Variants in YKT6 observed in about 807,000 individuals in gnomAD.
YKT6 encodes the protein synaptobrevin homolog YKT6.
YKT6 carries 12 observed loss-of-function variants against 29.3 expected under a neutral mutation model. The observed-to-expected ratio is 0.41, with a 90% CI of 0.26 to 0.66. The LOEUF (loss-of-function observed/expected upper bound fraction) is 0.66. Ranked by LOEUF, YKT6 falls within the 30% of genes least tolerant of loss-of-function variation. The pLI, the probability that YKT6 is intolerant of heterozygous loss-of-function variation, is 0.32. For synonymous variants in YKT6, 86 were observed against 94.3 expected (o/e 0.91, Z 0.51); for missense variants, 188 against 243.8 (o/e 0.77, Z 1.52).
rs2096347930 is a variant in YKT6 at position 44,212,489 on chromosome 7, T to C, written c.*207T>C. ...TGTGGTAGTGATTCTTGGAAAGAAT[T>C]TGAGGTCCCCAAAGGTGTATTTTTG... On this transcript the variant is annotated 3_prime_UTR_variant, in exon 7 of 7. Coordinates refer to ENST00000223369, the MANE Select transcript of YKT6 (RefSeq NM_006555.4). 1 of 598,514 alleles carries C rather than the reference T, an allele frequency of 1.7e-6. No individual in the cohort carries two copies. The highest frequency in any genetic ancestry group is 2.7e-5 in the South Asian group (1 of 36,520). 37.1% of individuals were successfully genotyped at this position (598,514 alleles called of 1,614,324 possible).
chr7:44,207,182 A>G (rs2096341718), intron 3 of YKT6, among the ~76,000 whole-genome samples: 1 of 152,228 alleles, frequency 6.6e-6, no homozygotes, highest in African/African-American at 2.4e-5. Context: ...CAGAATATTT[A>G]GGATATGTTT....
rs983577460 is a variant in YKT6, at chr7:44,208,312, C to T, written c.459+114C>T. On this transcript the variant is annotated intron_variant, in intron 5 of 6. Transcript: ENST00000223369. ...AATATAATAGTAACCACGGCACTCT[C>T]CAGCAAGTGGGATTGCCCACCCCTT... The T allele has an allele frequency of 5.1e-6, 6 of 1,185,716 alleles. No homozygotes were observed. In the African/African-American group the frequency reaches 9.1e-5, roughly 18 times the overall value. 73.4% of individuals were successfully genotyped at this position (1,185,716 alleles called of 1,614,324 possible).
At position 44,211,221 on chromosome 7, in the gene YKT6, T is replaced by TAGG. The variant is rs1290267648; in HGVS notation, c.561+99_561+100insGAG. On this transcript the variant is annotated intron_variant, in intron 6 of 6. Transcript: ENST00000223369. ...CTCTCCACTATGAACGGGTCTTTCTTAGACTGTTGAATCATGGTGGATGAT... is the reference window on the plus strand; with the variant it reads ...CTCTCCACTATGAACGGGTCTTTCTTAGGAGACTGTTGAATCATGGTGGATGAT... 2.5e-5 allele frequency: 28 copies of TAGG among 1,114,114 alleles called. No homozygotes were observed. In the African/African-American group the frequency reaches 3.4e-4, roughly 14 times the overall value. The allele number at this position is 1,114,114 out of a possible 1,614,324, so 69.0% of individuals were successfully genotyped here.
chr7:44,208,331 AC>A, intron 5 of YKT6, 133 bp downstream of exon 5: 1 of 918,368 alleles, frequency 1.1e-6, no homozygotes, highest in Non-Finnish European at 1.7e-6. Flanking sequence ...GGGATTGCCC[AC>A]CCCTTCCCCC....
In YKT6 at chr7:44,211,118, T is replaced by C; in HGVS notation, c.555T>C (p.Tyr185=). The C allele has an allele frequency of 6.2e-7, 1 of 1,613,852 alleles. No individual in the cohort carries two copies. The highest frequency in any genetic ancestry group is 8.5e-7 in the Non-Finnish European group (1 of 1,179,972). ...TGGGAACACAGTCTAAAGCCTTCTA[T>C]AAAACTGTGAGTACCCAGCACCTGC... is the stretch of plus-strand genomic sequence containing the variant. ...EVLGTQSKAF[Y]KTARKQNSCC... The change falls in exon 6 of 7, where the codon TAT becomes TAC. Residue 185 remains tyrosine, a synonymous_variant. Transcript: ENST00000223369.
At chr7:44,209,667 T>C (rs1336548469) in intron 5 of YKT6, among the ~76,000 whole-genome samples, 4 of 152,210 alleles carry the variant, frequency 2.6e-5, no homozygotes, top group Admixed American at 2.6e-4. Context: ...TGAAGGACAT[T>C]CTTGCTGGCT....
At position 44,208,458 on chromosome 7, in the gene YKT6, A is replaced by T. The variant is rs1282818554; in HGVS notation, c.459+260A>T. The T allele has an allele frequency of 4.4e-5, 19 of 435,198 alleles. No individual in the cohort carries two copies. The East Asian group carries it at 7.3e-4, about 17-fold the overall frequency. The allele number at this position is 435,198 out of a possible 1,614,324, so 27.0% of individuals were successfully genotyped here. On this transcript the variant is annotated intron_variant, in intron 5 of 6. Coordinates refer to ENST00000223369, the MANE Select transcript of YKT6 (RefSeq NM_006555.4). ...CCTCAAGTCTCCCTTCCTCATGGCT[A>T]CTGCCTGTCTGACCATTTACTGGGT...
Position 44,206,461 on chromosome 7 carries a change from G to T in YKT6, c.264G>T (p.Arg88=). 1.2e-6 allele frequency: 2 copies of T among 1,614,042 alleles called. No individual in the cohort carries two copies. The highest frequency in any genetic ancestry group is 8.5e-7 in the Non-Finnish European group (1 of 1,180,028). The change falls in exon 3 of 7, where the codon CGG becomes CGT. Residue 88 remains arginine (R), a synonymous_variant. Transcript: ENST00000223369. ...TTGCTGACAATGAATACCCATCCCG[G>T]GTGGCCTTTACCTTGCTGGAGAAGG... is the stretch of plus-strand genomic sequence containing the variant. ...VVIADNEYPS[R]VAFTLLEKVL...
At chr7:44,211,484 T>C in intron 6 of YKT6, 1 of 951,174 alleles carries the variant, frequency 1.1e-6, no homozygotes. Flanking sequence ...TGAGTAGACA[T>C]AAGTCTTTAA....
intron 1 of YKT6, among the ~76,000 whole-genome samples, 173 bp downstream of exon 1, chr7:44,201,412 A>G: frequency 1.3e-5 from 1 of 76,896 alleles, no homozygotes; most frequent in Non-Finnish European, 2.3e-5. Flanking sequence ...CTGGTGTCCG[A>G]GTCAGAGGCG....
chr7:44,211,175 C>T (rs377568196), intron 6 of YKT6, 51 bp downstream of exon 6: 23 of 1,521,298 alleles, frequency 1.5e-5, no homozygotes, highest in African/African-American at 2.7e-5. Flanking sequence ...AGAGAGCAGT[C>T]GCAGCTTGCT....
Position 44,204,612 on chromosome 7 carries a change from G to T in YKT6, c.149G>T (p.Arg50Leu). 6.2e-7 allele frequency: 1 copy of T among 1,614,168 alleles called. No individual in the cohort carries two copies. The highest frequency in any genetic ancestry group is 8.5e-7 in the Non-Finnish European group (1 of 1,180,024). The change falls in exon 2 of 7, where the codon CGC becomes CTC. Residue 50 changes from arginine to leucine, a missense_variant. This residue lies in a region of YKT6 where 71 missense variants were observed against 67.3 expected (regional missense o/e 1.05). Coordinates refer to ENST00000223369, the MANE Select transcript of YKT6 (RefSeq NM_006555.4). ...TTCACGAGTCAACTGATTGTGGAGC[G>T]CTCATCGAAAGGCACTAGAGCTTCT... Reference protein sequence around the residue: ...MTFTSQLIVERSSKGTRASVK... With the variant: ...MTFTSQLIVELSSKGTRASVK...
At chr7:44,204,540 G>A (rs1347725235) in intron 1 of YKT6, 28 bp from the exon 2 acceptor site, 1 of 1,611,278 alleles carries the variant, frequency 6.2e-7, no homozygotes, top group Non-Finnish European at 8.5e-7. Context: ...ATAAGAAGTA[G>A]GCAATAAATA....
In YKT6 at chr7:44,212,425, A is replaced by G; in HGVS notation, c.*143A>G. Reference sequence around the variant, plus strand: ...TTTTATTTTGAAGTTCCTGCGAGAAATGGATGGTGGAAGGGTGGCGAATGT... The same window carrying G: ...TTTTATTTTGAAGTTCCTGCGAGAAGTGGATGGTGGAAGGGTGGCGAATGT... On this transcript the variant is annotated 3_prime_UTR_variant, in exon 7 of 7. Transcript: ENST00000223369. The G allele has an allele frequency of 9.6e-7, 1 of 1,043,992 alleles. No individual in the cohort carries two copies. Among genetic ancestry groups the G allele is most frequent in the Non-Finnish European group, 1.4e-6 (1 of 700,126 alleles). 64.7% of individuals were successfully genotyped at this position (1,043,992 alleles called of 1,614,324 possible). A position where few individuals can be genotyped will look rare whatever the true frequency, so the allele number is the denominator to read the frequency against.
At position 44,204,455 on chromosome 7, in the gene YKT6, G is replaced by T. The variant is rs534477508; in HGVS notation, c.105-113G>T. The stretch of plus-strand genomic sequence containing the variant: ...TTGTTACTAGGGATGGGAGGGAAAG[G>T]AATGAAACCAAGAAGCAATGTCTAC... On this transcript the variant is annotated intron_variant, in intron 1 of 6. Coordinates refer to ENST00000223369, the MANE Select transcript of YKT6 (RefSeq NM_006555.4). 6 of 908,004 alleles carry T rather than the reference G, an allele frequency of 6.6e-6. No homozygotes were observed. The East Asian group carries it at 1.6e-4, about 24-fold the overall frequency. 56.2% of individuals were successfully genotyped at this position (908,004 alleles called of 1,614,324 possible). A position where few individuals can be genotyped will look rare whatever the true frequency, so the allele number is the denominator to read the frequency against.
At position 44,204,569 on chromosome 7, in the gene YKT6, G is replaced by T. The variant is rs374571498; in HGVS notation, c.106G>T (p.Val36Phe). ...SSFSFFQRSSVQEFMTFTSQL... is the reference protein window; with the variant it reads ...SSFSFFQRSSFQEFMTFTSQL... ...ATAAATACATTTTGTGTTTCTTAGC[G>T]TTCAGGAATTCATGACCTTCACGAG... Residue 36 changes from valine (V) to phenylalanine (F), a missense_variant and splice_region_variant, in exon 2 of 7, where the codon GTT becomes TTT. Physicochemically the swap from Val to Phe is conservative, Grantham distance 50 (BLOSUM62 -1). This residue lies in a region of YKT6 where 71 missense variants were observed against 67.3 expected (regional missense o/e 1.05). Transcript: ENST00000223369. 6.2e-7 allele frequency: 1 copy of T among 1,614,000 alleles called. No homozygotes were observed. Among genetic ancestry groups the T allele is most frequent in the Non-Finnish European group, 8.5e-7 (1 of 1,179,988 alleles).
At position 44,204,544 on chromosome 7, in the gene YKT6, A is replaced by G. The variant is rs776319387; in HGVS notation, c.105-24A>G. 2.4e-5 allele frequency: 39 copies of G among 1,613,326 alleles called. 1 individual carries two copies. The South Asian group carries it at 4.2e-4, about 17-fold the overall frequency. On this transcript the variant is annotated intron_variant, in intron 1 of 6. Coordinates refer to ENST00000223369, the MANE Select transcript of YKT6 (RefSeq NM_006555.4). ...GGGACAAGGTGATAAGAAGTAGGCA[A>G]TAAATACATTTTGTGTTTCTTAGCG...
At chr7:44,208,282 G>T (rs2096343059) in intron 5 of YKT6, 84 bp downstream of exon 5, 1 of 1,455,508 alleles carries the variant, frequency 6.9e-7, no homozygotes, top group African/African-American at 1.4e-5. Flanking sequence ...ATCCATCCTC[G>T]TTTTAATATA....
intron 1 of YKT6, among the ~76,000 whole-genome samples, chr7:44,201,444 G>A (rs946565611): frequency 3.3e-5 from 5 of 151,962 alleles, no homozygotes; most frequent in African/African-American, 1.2e-4. Context: ...GGAGGGCCCG[G>A]GGTCTGCTGT....
Sources: gnomAD v4.1 joint callset for allele counts (sites outside exome capture counted in the v4.1 genomes callset) on GRCh38, gnomAD v4.1.1 for gene constraint, gnomAD v4.1.1 regional missense constraint, MANE v1.5 for transcripts, NCBI Gene and HGNC (gene_info 2026-07-23, HGNC 2026-07-21) for gene names.